Variants in PHF14 observed in about 807,000 individuals in gnomAD.
The protein encoded by PHF14 is PHD finger protein 14.
Under a neutral mutation model 117.9 loss-of-function variants are expected in PHF14, and 55 were observed. The ratio of observed to expected loss-of-function variants is 0.47; its 90% CI spans 0.38 to 0.58. The LOEUF (loss-of-function observed/expected upper bound fraction) is 0.58, where lower values mean the gene tolerates loss of function less well. Among genes scored for constraint, PHF14 ranks in the 20% least tolerant of loss-of-function variants. The probability of loss-of-function intolerance (pLI) is 0.00; values close to 1 mark genes in which losing one functional copy is unlikely to be tolerated. For synonymous variants in PHF14, 409 were observed against 368.6 expected, an observed-to-expected ratio of 1.11 and a Z score of -1.26; for missense variants, 978 against 1,122.2, an observed-to-expected ratio of 0.87 and a Z score of 1.84.
At chr7:10,982,198 T>C (rs1395190089) in intron 2 of PHF14, among the ~76,000 whole-genome samples, 174 bp from the exon 3 acceptor site, 2 of 152,238 alleles carry the variant, frequency 1.3e-5, no homozygotes, top group Non-Finnish European at 2.9e-5. Context: ...ATCAACTTCA[T>C]TGATTTATTA....
rs1035769880 is a variant in PHF14 at position 11,060,959 on chromosome 7, A to C, written c.2482-832A>C. Among the ~76,000 whole-genome samples, 120 of 152,284 alleles carry C rather than the reference A, an allele frequency of 7.9e-4. 2 individuals are homozygous for C. The Middle Eastern group carries it at 0.01, about 13-fold the overall frequency. Reference sequence around the variant, plus strand: ...AAGAAAATATTAATATATTTATACTATAATGTAATTCTGTTTAGAATTATT... The same window carrying C: ...AAGAAAATATTAATATATTTATACTCTAATGTAATTCTGTTTAGAATTATT... On this transcript the variant is annotated intron_variant, in intron 14 of 17. Coordinates refer to ENST00000634607, the MANE Select transcript of PHF14 (RefSeq NM_001007157.2).
At chr7:11,147,538 G>T (rs1325016947) in intron 17 of PHF14, among the ~76,000 whole-genome samples, 1 of 152,158 alleles carries the variant, frequency 6.6e-6, no homozygotes, top group Non-Finnish European at 1.5e-5. Context: ...AGACCCAATA[G>T]TTATGCCGCT....
At chr7:11,040,852 G>T (rs1784482125) in intron 12 of PHF14, 77 bp downstream of exon 12, 1 of 655,262 alleles carries the variant, frequency 1.5e-6, no homozygotes, top group African/African-American at 1.9e-5. Flanking sequence ...AGAAGATCCT[G>T]CAAATATTTG....
intron 3 of PHF14, among the ~76,000 whole-genome samples, chr7:10,985,048 G>GT (rs1385822738): frequency 6.6e-6 from 1 of 152,030 alleles, no homozygotes; most frequent in South Asian, 2.1e-4. Flanking sequence ...CTCTACAGTA[G>GT]TTTTTTGATG....
chr7:11,060,697 G>A (rs1311871561), intron 14 of PHF14, among the ~76,000 whole-genome samples: 4 of 152,124 alleles, frequency 2.6e-5, no homozygotes, highest in African/African-American at 9.7e-5. Context: ...TGCAGGATCT[G>A]CATTTAAAGG....
In PHF14 at chr7:10,982,713, A is replaced by G; in HGVS notation, c.454A>G (p.Thr152Ala). ...ENVAASAAATTPATSPPAVNT... is the reference protein window; with the variant it reads ...ENVAASAAATAPATSPPAVNT... ...TGTGGCTGCTTCTGCTGCTGCCACCACACCAGCCACAAGTCCTCCTGCTGT... is the reference window on the plus strand; with the variant it reads ...TGTGGCTGCTTCTGCTGCTGCCACCGCACCAGCCACAAGTCCTCCTGCTGT... The change falls in exon 3 of 18, where the codon ACA (threonine) becomes GCA (alanine). Residue 152 changes from threonine to alanine, a missense_variant. By Grantham distance (58) the Thr-to-Ala change is moderately conservative. This residue lies in a region of PHF14 where 414 missense variants were observed against 376.4 expected (regional missense o/e 1.10). Coordinates refer to ENST00000634607, the MANE Select transcript of PHF14 (RefSeq NM_001007157.2). The G allele has an allele frequency of 6.2e-7, 1 of 1,611,794 alleles. No individual in the cohort carries two copies. The highest frequency in any genetic ancestry group is 8.5e-7 in the Non-Finnish European group (1 of 1,178,844).
chr7:10,981,248 A>G (rs1414657746), intron 2 of PHF14, among the ~76,000 whole-genome samples: 1 of 152,172 alleles, frequency 6.6e-6, no homozygotes, highest in Non-Finnish European at 1.5e-5. Flanking sequence ...CCACCATTTT[A>G]TCATTACCTT....
chr7:11,086,502 A>G (rs753338399), intron 16 of PHF14, among the ~76,000 whole-genome samples: 3 of 152,098 alleles, frequency 2.0e-5, no homozygotes, highest in Admixed American at 6.5e-5. Flanking sequence ...TACTTAGTCC[A>G]TATGTCTTGG....
intron 17 of PHF14, among the ~76,000 whole-genome samples, chr7:11,157,515 C>CTA (rs1435785645): frequency 2.6e-5 from 4 of 151,952 alleles, no homozygotes; most frequent in African/African-American, 9.7e-5. Context: ...CTCTTTTTCC[C>CTA]TATATAGTAG....
At chr7:11,140,557 C>A (rs1195939734) in intron 17 of PHF14, among the ~76,000 whole-genome samples, 4 of 151,994 alleles carry the variant, frequency 2.6e-5, no homozygotes, top group Non-Finnish European at 5.9e-5. Context: ...GTGATGAGAT[C>A]TTTCATTGTT....
At chr7:11,053,042 G>C (rs1784895202) in intron 14 of PHF14, among the ~76,000 whole-genome samples, 1 of 152,030 alleles carries the variant, frequency 6.6e-6, no homozygotes, top group Admixed American at 6.6e-5. Flanking sequence ...CTTGAGCTGA[G>C]GCAGGCACTT....
At chr7:11,050,852 T>C (rs902114457) in intron 13 of PHF14, among the ~76,000 whole-genome samples, 1 of 152,132 alleles carries the variant, frequency 6.6e-6, no homozygotes, top group Non-Finnish European at 1.5e-5. Context: ...ACCTTTTTTT[T>C]CCCCCAACAC....
chr7:10,987,269 G>A (rs1365841200), intron 3 of PHF14, among the ~76,000 whole-genome samples: 1 of 152,056 alleles, frequency 6.6e-6, no homozygotes, highest in Non-Finnish European at 1.5e-5. Flanking sequence ...GATTGGTCAA[G>A]CTTTTTGTTA....
Position 11,083,617 on chromosome 7 carries a change from C to T in PHF14, c.2654+21532C>T, listed in dbSNP as rs866187144. Among the ~76,000 whole-genome samples the T allele has an allele frequency of 4.0e-5, 6 of 151,872 alleles. No individual in the cohort carries two copies. In the South Asian group the frequency reaches 6.2e-4, roughly 16 times the overall value. On this transcript the variant is annotated intron_variant, in intron 16 of 17. Coordinates refer to ENST00000634607, the MANE Select transcript of PHF14 (RefSeq NM_001007157.2). The stretch of plus-strand genomic sequence containing the variant: ...CTGGGATTACAGGTGCCCGCCACTA[C>T]GCCCGGCTAACTTCTTTGTATTTTT...
intron 7 of PHF14, among the ~76,000 whole-genome samples, chr7:11,032,646 C>G (rs920274846): frequency 2.6e-5 from 4 of 152,136 alleles, no homozygotes; most frequent in African/African-American, 7.2e-5. Context: ...ATGGGGCATT[C>G]CAGTTTGCCA....
chr7:11,104,210 A>T, intron 16 of PHF14: 4 of 983,730 alleles, frequency 4.1e-6, no homozygotes, highest in Non-Finnish European at 4.8e-6. Context: ...TATTATCATC[A>T]TTTTCCATCT....
At chr7:11,014,668 T>C (rs1440021171) in intron 5 of PHF14, among the ~76,000 whole-genome samples, 2 of 152,126 alleles carry the variant, frequency 1.3e-5, no homozygotes, top group African/African-American at 4.8e-5. Context: ...CCTCCTGCCA[T>C]TGAGTTTATA....
At chr7:11,030,405 T>C (rs1304703803) in intron 7 of PHF14, among the ~76,000 whole-genome samples, 1 of 152,070 alleles carries the variant, frequency 6.6e-6, no homozygotes, top group African/African-American at 2.4e-5. Flanking sequence ...TTTTTTACTA[T>C]GGTAGTTTGG....
At chr7:11,081,991 C>T (rs6968254) in intron 16 of PHF14, among the ~76,000 whole-genome samples, 2,100 of 151,978 alleles carry the variant, frequency 0.014, 41 homozygotes, top group African/African-American at 0.048. Context: ...TTTTTAAAAG[C>T]TAATAGTGTA....
Sources: gnomAD v4.1 joint callset for allele counts (sites outside exome capture counted in the v4.1 genomes callset) on GRCh38, gnomAD v4.1.1 for gene constraint, gnomAD v4.1.1 regional missense constraint, MANE v1.5 for transcripts, NCBI Gene and HGNC (gene_info 2026-07-23, HGNC 2026-07-21) for gene names.